WFDC1: variants seen among roughly 807,000 people sequenced by gnomAD.
WFDC1 encodes WAP four-disulfide core domain protein 1.
In WFDC1, 39 loss-of-function variants were observed where a neutral mutation model predicts 32.9. The observed-to-expected ratio is 1.19, with a 90% confidence interval of 0.92 to 1.55. The LOEUF is 1.55. Ranked by LOEUF, WFDC1 falls within the 40% of genes most tolerant of loss-of-function variation. WFDC1 has a pLI of 0.00. For synonymous variants in WFDC1, 184 were observed against 137.4 expected (o/e 1.34, Z -2.37); for missense variants, 386 against 309.5 (o/e 1.25, Z -1.85).
At chr16:84,306,183 G>T (rs573459103) in intron 1 of WFDC1, among the ~76,000 whole-genome samples, 7 of 152,080 alleles carry the variant, frequency 4.6e-5, no homozygotes, top group African/African-American at 1.7e-4. Flanking sequence ...TGCAGATGAC[G>T]CTCAGATACG....
At chr16:84,296,706 T>C (rs1178438701) in intron 1 of WFDC1, among the ~76,000 whole-genome samples, 1 of 152,012 alleles carries the variant, frequency 6.6e-6, no homozygotes, top group East Asian at 1.9e-4. Context: ...GATGAGGCGC[T>C]TGGAGAAGGG....
At chr16:84,319,262 T>C in intron 3 of WFDC1, 169 bp from the exon 4 acceptor site, 1 of 823,018 alleles carries the variant, frequency 1.2e-6, no homozygotes, top group South Asian at 1.9e-5. Flanking sequence ...CACATGCCGC[T>C]GAGTGAGACC....
chr16:84,329,016 A>G (rs1296603264), intron 6 of WFDC1: 1 of 151,904 alleles, frequency 6.6e-6, no homozygotes, highest in East Asian at 1.9e-4. Flanking sequence ...TTGTTCCAGC[A>G]CTGTGGATTT....
chr16:84,298,130 A>G (rs976736107), intron 1 of WFDC1, among the ~76,000 whole-genome samples: 2 of 152,154 alleles, frequency 1.3e-5, no homozygotes, highest in Non-Finnish European at 2.9e-5. Context: ...TTAAAAAGAA[A>G]GGAAAGAATT....
chr16:84,306,441 A>G (rs925443188), intron 1 of WFDC1, among the ~76,000 whole-genome samples: 10 of 152,230 alleles, frequency 6.6e-5, no homozygotes, highest in African/African-American at 2.4e-4. Context: ...CTCCAAGGCC[A>G]GGAGGAGCAG....
chr16:84,315,780 G>C (rs1353616909), intron 2 of WFDC1, among the ~76,000 whole-genome samples: 1 of 152,152 alleles, frequency 6.6e-6, no homozygotes, highest in African/African-American at 2.4e-5. Flanking sequence ...GAGAAACACT[G>C]GTCTAACTCA....
chr16:84,319,335 C>T, intron 3 of WFDC1, 96 bp from the exon 4 acceptor site: 1 of 1,520,916 alleles, frequency 6.6e-7, no homozygotes, highest in Non-Finnish European at 8.9e-7. Flanking sequence ...AGGTGCGTTC[C>T]CTGCACCCGT....
intron 1 of WFDC1, among the ~76,000 whole-genome samples, chr16:84,301,093 C>T (rs1906905667): frequency 6.6e-6 from 1 of 151,998 alleles, no homozygotes; most frequent in Non-Finnish European, 1.5e-5. Context: ...ACATGAGGGA[C>T]CAGAGAACAT....
intron 1 of WFDC1, among the ~76,000 whole-genome samples, chr16:84,309,770 G>T (rs1230009289): frequency 6.6e-6 from 1 of 152,008 alleles, no homozygotes; most frequent in Non-Finnish European, 1.5e-5. Flanking sequence ...GTCACTCCTT[G>T]GTCTGTAGAC....
intron 5 of WFDC1, among the ~76,000 whole-genome samples, chr16:84,324,750 A>T (rs568171329): frequency 6.6e-6 from 1 of 151,952 alleles, no homozygotes; most frequent in Admixed American, 6.6e-5. Flanking sequence ...GCCTGATACC[A>T]CTCTTCCATT....
intron 1 of WFDC1, among the ~76,000 whole-genome samples, chr16:84,307,497 A>ATC (rs1427985873): frequency 6.6e-6 from 1 of 152,124 alleles, no homozygotes; most frequent in East Asian, 1.9e-4. Context: ...AATTCTGAGA[A>ATC]ATGACATTTG....
chr16:84,301,668 G>A (rs781559345), intron 1 of WFDC1, among the ~76,000 whole-genome samples: 9 of 152,138 alleles, frequency 5.9e-5, no homozygotes, highest in Middle Eastern at 3.2e-3. Context: ...GGGATATGTC[G>A]TACTGATGTG....
At chr16:84,301,501 G>A (rs1308960388) in intron 1 of WFDC1, among the ~76,000 whole-genome samples, 2 of 152,146 alleles carry the variant, frequency 1.3e-5, no homozygotes, top group African/African-American at 2.4e-5. Context: ...CACCCTGCGG[G>A]ACTTCATCAT....
At chr16:84,308,619 C>T (rs994126859) in intron 1 of WFDC1, among the ~76,000 whole-genome samples, 9 of 152,226 alleles carry the variant, frequency 5.9e-5, no homozygotes. Context: ...TGCTAGATGC[C>T]AGCCTGAGTG....
intron 1 of WFDC1, among the ~76,000 whole-genome samples, chr16:84,302,139 A>G (rs1181935189): frequency 6.6e-6 from 1 of 152,082 alleles, no homozygotes; most frequent in Non-Finnish European, 1.5e-5. Flanking sequence ...CACTGTTTGG[A>G]TGCAACGTCC....
intron 5 of WFDC1, among the ~76,000 whole-genome samples, chr16:84,325,432 A>G (rs1004027851): frequency 6.6e-6 from 1 of 151,840 alleles, no homozygotes; most frequent in Non-Finnish European, 1.5e-5. Flanking sequence ...TAAACTCCTG[A>G]CCTCAGGTGA....
chr16:84,318,529 G>A, intron 3 of WFDC1, 174 bp downstream of exon 3: 1 of 622,294 alleles, frequency 1.6e-6, no homozygotes, highest in Admixed American at 2.6e-5. Flanking sequence ...GATGGCTGGG[G>A]GCTTGGCCAG....
chr16:84,327,248 TG>T (rs1228913463), intron 6 of WFDC1: 1 of 350,038 alleles, frequency 2.9e-6, no homozygotes, highest in African/African-American at 2.1e-5. Context: ...TGGAGTGCAC[TG>T]GCACAATCAT....
chr16:84,303,105 C>T (rs1907045128), intron 1 of WFDC1, among the ~76,000 whole-genome samples: 1 of 150,926 alleles, frequency 6.6e-6, no homozygotes, highest in African/African-American at 2.4e-5. Context: ...GTGTTAAGGG[C>T]CCCGGGCACC....
Sources: gnomAD v4.1 joint callset for allele counts (sites outside exome capture counted in the v4.1 genomes callset) on GRCh38, gnomAD v4.1.1 for gene constraint, MANE v1.5 for transcripts, NCBI Gene and HGNC (gene_info 2026-07-23, HGNC 2026-07-21) for gene names.